VEGFC: variants seen among roughly 807,000 people sequenced by gnomAD.
VEGFC encodes FLT4 ligand DHM.
VEGFC carries 12 observed loss-of-function variants against 46.1 expected under a neutral mutation model. The observed-to-expected ratio is 0.26, with a 90% CI of 0.17 to 0.42. VEGFC has a LOEUF of 0.42. Among genes scored for constraint, VEGFC ranks in the 10% least tolerant of loss-of-function variants. VEGFC has a pLI of 1.00. For synonymous variants in VEGFC, 232 were observed against 195.5 expected (o/e 1.19, Z -1.56); for missense variants, 488 against 529.4 (o/e 0.92, Z 0.77).
intron 1 of VEGFC, among the ~76,000 whole-genome samples, chr4:176,743,583 T>A (rs1052191889): frequency 2.7e-5 from 4 of 149,834 alleles, no homozygotes; most frequent in African/African-American, 4.9e-5. Flanking sequence ...TATACCGATA[T>A]ATAAATATAT....
Position 176,708,287 on chromosome 4 carries a change from T to G in VEGFC, c.704+3212A>C, listed in dbSNP as rs146266328. ...AAGTAAACAGATTACCTTAAAAGTT[T>G]CCTGGCAAATACAATTATAAATTTA... On this transcript the variant is annotated intron_variant, in intron 4 of 6. Coordinates refer to ENST00000618562, the MANE Select transcript of VEGFC (RefSeq NM_005429.5). Among the ~76,000 whole-genome samples the G allele has an allele frequency of 2.7e-3, 418 of 152,040 alleles. 2 individuals are homozygous for G. Among genetic ancestry groups the G allele is most frequent in the Non-Finnish European group, 5.1e-3 (344 of 67,908 alleles).
intron 6 of VEGFC, among the ~76,000 whole-genome samples, chr4:176,685,301 A>AAAGCTGTT (rs1214206313): frequency 6.6e-6 from 1 of 152,220 alleles, no homozygotes; most frequent in East Asian, 1.9e-4. Context: ...ATGATCCATA[A>AAAGCTGTT]AAGCTGTTAA....
At chr4:176,765,420 T>C (rs1212500754) in intron 1 of VEGFC, among the ~76,000 whole-genome samples, 1 of 152,088 alleles carries the variant, frequency 6.6e-6, no homozygotes, top group African/African-American at 2.4e-5. Flanking sequence ...TTTTCTAGGA[T>C]TTTCCAAGAT....
At chr4:176,729,441 G>T in intron 2 of VEGFC, 92 bp downstream of exon 2, 5 of 1,030,284 alleles carry the variant, frequency 4.9e-6, no homozygotes, top group South Asian at 1.8e-5. Context: ...GGTGTATTCG[G>T]TGATACAAAC....
At chr4:176,738,767 C>T (rs1446842026) in intron 1 of VEGFC, among the ~76,000 whole-genome samples, 3 of 151,928 alleles carry the variant, frequency 2.0e-5, no homozygotes, top group Admixed American at 6.6e-5. Context: ...TAACAGACAA[C>T]CTACAGAATG....
rs1431823994 is a variant in VEGFC at position 176,683,848 on chromosome 4, C to T, written c.*78G>A. On this transcript the variant is annotated 3_prime_UTR_variant, in exon 7 of 7. Transcript: ENST00000618562. ...TGTTAGCATGGACCCACAAGGGTCT[C>T]TCTGTTCACAGACAGTTCTACTGTG... 1 of 1,194,770 alleles carries T rather than the reference C, an allele frequency of 8.4e-7. No homozygotes were observed. The highest frequency in any genetic ancestry group is 2.3e-5 in the East Asian group (1 of 42,704). The allele number at this position is 1,194,770 out of a possible 1,614,324, so 74.0% of individuals were successfully genotyped here. A position where few individuals can be genotyped will look rare whatever the true frequency, so the allele number is the denominator to read the frequency against.
intron 4 of VEGFC, among the ~76,000 whole-genome samples, chr4:176,706,625 CAAAAAAAAA>C (rs55996370): frequency 3.2e-4 from 20 of 63,466 alleles, no homozygotes; most frequent in Admixed American, 4.7e-4. Flanking sequence ...GAATCTGTCT[CAAAAAAAAA>C]AAAAAAAAAA....
intron 3 of VEGFC, among the ~76,000 whole-genome samples, chr4:176,718,692 T>C (rs990341462): frequency 2.6e-5 from 4 of 152,128 alleles, no homozygotes; most frequent in African/African-American, 9.7e-5. Flanking sequence ...GAACTTCTAG[T>C]TCCTTGAGCT....
At chr4:176,791,964 C>T (rs1579147755) in intron 1 of VEGFC, among the ~76,000 whole-genome samples, 1 of 152,204 alleles carries the variant, frequency 6.6e-6, no homozygotes, top group South Asian at 2.1e-4. Context: ...ACTCGTGTAA[C>T]TTGCTTGCCT....
At position 176,684,029 on chromosome 4, in the gene VEGFC, C is replaced by T. The variant is rs368084817; in HGVS notation, c.1157G>A (p.Arg386Gln). The T allele has an allele frequency of 6.2e-6, 10 of 1,613,772 alleles. No homozygotes were observed. The highest frequency in any genetic ancestry group is 3.3e-5 in the South Asian group (3 of 91,068). The change falls in exon 7 of 7, where the codon CGG becomes CAG. Residue 386 changes from arginine to glutamine, a missense_variant. By Grantham distance (43) the Arg-to-Gln change is conservative. Coordinates refer to ENST00000618562, the MANE Select transcript of VEGFC (RefSeq NM_005429.5). ...FHHQTCSCYR[R>Q]PCTNRQKACE... ...AGCCTTCTGGCGGTTCGTACATGGC[C>T]GTCTGTAACAGCTAGGAGAACAAAC...
intron 3 of VEGFC, among the ~76,000 whole-genome samples, chr4:176,727,225 T>C (rs1202570509): frequency 6.6e-6 from 1 of 152,208 alleles, no homozygotes; most frequent in African/African-American, 2.4e-5. Flanking sequence ...TTTAATGAGA[T>C]AAACTTCCCA....
chr4:176,733,727 T>G (rs1289019549), intron 1 of VEGFC, among the ~76,000 whole-genome samples: 1 of 151,802 alleles, frequency 6.6e-6, no homozygotes, highest in Non-Finnish European at 1.5e-5. Flanking sequence ...AACAGTAAAT[T>G]TCTCCATATG....
At chr4:176,702,630 G>A (rs556115517) in intron 4 of VEGFC, among the ~76,000 whole-genome samples, 1 of 152,144 alleles carries the variant, frequency 6.6e-6, no homozygotes, top group Admixed American at 6.5e-5. Context: ...AATCAACCTG[G>A]TTTATTAACT....
At position 176,738,688 on chromosome 4, in the gene VEGFC, A is replaced by C. The variant is rs141043313; in HGVS notation, c.148-8942T>G. ...CGCCAAAAGCGATTGCAACAAAAGC[A>C]AAGATTGACGAATGGGATCTAATTA... On this transcript the variant is annotated intron_variant, in intron 1 of 6. Transcript: ENST00000618562. Among the ~76,000 whole-genome samples, 114 of 152,126 alleles carry C rather than the reference A, an allele frequency of 7.5e-4. 1 individual carries two copies. The East Asian group carries it at 0.018, about 24-fold the overall frequency.
rs142133717 is a variant in VEGFC at position 176,786,992 on chromosome 4, A to G, written c.147+5173T>C. On this transcript the variant is annotated intron_variant, in intron 1 of 6. Coordinates refer to ENST00000618562, the MANE Select transcript of VEGFC (RefSeq NM_005429.5). Reference sequence around the variant, plus strand: ...TGGAATTTTTCTGGAAACCAAGTGCATAGACATATTAATACTCACACCCCA... The same window carrying G: ...TGGAATTTTTCTGGAAACCAAGTGCGTAGACATATTAATACTCACACCCCA... 8.4e-3 allele frequency among the ~76,000 whole-genome samples: 1,282 copies of G among 152,252 alleles called. 17 individuals are homozygous for G. Among genetic ancestry groups the G allele is most frequent in the African/African-American group, 0.029 (1,220 of 41,544 alleles).
At chr4:176,715,359 C>A (rs1734680356) in intron 3 of VEGFC, among the ~76,000 whole-genome samples, 1 of 152,148 alleles carries the variant, frequency 6.6e-6, no homozygotes, top group African/African-American at 2.4e-5. Flanking sequence ...TTTTAAGAGT[C>A]CAGAGAAAGA....
intron 1 of VEGFC, among the ~76,000 whole-genome samples, chr4:176,774,799 T>TA (rs1342251096): frequency 5.0e-5 from 4 of 80,260 alleles, no homozygotes; most frequent in East Asian, 9.8e-4. Context: ...CCCTAAAACT[T>TA]AAAGTATAAT....
chr4:176,687,305 A>G lies in VEGFC; in HGVS notation c.1027T>C (p.Cys343Arg), dbSNP rs1313297356. The change falls in exon 6 of 7, where the codon TGT becomes CGT. Residue 343 changes from cysteine (C) to arginine (R), a missense_variant. Coordinates refer to ENST00000618562, the MANE Select transcript of VEGFC (RefSeq NM_005429.5). ...TGATTTCTGGGGCAGGTTCTTTTAC[A>G]TACACACTGGCATGTGTTTTCATCA... ...EFDENTCQCV[C>R]KRTCPRNQPL... 5.0e-6 allele frequency: 8 copies of G among 1,614,014 alleles called. No individual in the cohort carries two copies. The highest frequency in any genetic ancestry group is 6.8e-6 in the Non-Finnish European group (8 of 1,179,998).
chr4:176,716,653 T>C (rs74695269), intron 3 of VEGFC, among the ~76,000 whole-genome samples: 4,657 of 132,452 alleles, frequency 0.035, 233 homozygotes, highest in African/African-American at 0.12. Context: ...AATGAGAACA[T>C]ACATATACAC....
Sources: allele counts gnomAD v4.1 joint callset (sites outside exome capture counted in the v4.1 genomes callset), GRCh38; gene constraint gnomAD v4.1.1; transcripts MANE v1.5; gene names NCBI Gene and HGNC (gene_info 2026-07-23, HGNC 2026-07-21).